Variants in NCALD observed in about 807,000 individuals in gnomAD.
NCALD encodes the protein neurocalcin-delta.
Under a neutral mutation model 18.6 loss-of-function variants are expected in NCALD, and 10 were observed. That is an observed-to-expected ratio of 0.54 (90% CI 0.33 to 0.91). The LOEUF (loss-of-function observed/expected upper bound fraction) is 0.91. NCALD is among the 40% of genes least tolerant of loss of function. The probability of loss-of-function intolerance (pLI) is 0.03; values close to 1 mark genes in which losing one functional copy is unlikely to be tolerated. For synonymous variants in NCALD, 88 were observed against 87.4 expected, an observed-to-expected ratio of 1.01 and a Z score of -0.04; for missense variants, 184 against 247.6, an observed-to-expected ratio of 0.74 and a Z score of 1.72.
intron 1 of NCALD, among the ~76,000 whole-genome samples, chr8:102,100,700 CAGTGAGACATTATTCAA>C: frequency 6.6e-6 from 1 of 152,206 alleles, no homozygotes; most frequent in Non-Finnish European, 1.5e-5. Context: ...TATATACATA[CAGTGAGACATTATTCAA>C]CCTTAAAGAG....
At chr8:101,797,683 GCCTGCACCTGTAGT>G (rs1563779351) in intron 4 of NCALD, among the ~76,000 whole-genome samples, 1 of 151,964 alleles carries the variant, frequency 6.6e-6, no homozygotes, top group Non-Finnish European at 1.5e-5. Context: ...GGGTGTGGTG[GCCTGCACCTGTAGT>G]CCCAGCTAAT....
chr8:101,965,697 GGCAT>G (rs1329519721), intron 2 of NCALD, among the ~76,000 whole-genome samples: 1 of 152,002 alleles, frequency 6.6e-6, no homozygotes, highest in Non-Finnish European at 1.5e-5. Context: ...AAACCACCAT[GGCAT>G]GCGTATACCT....
chr8:102,092,592 T>C (rs1266536241), intron 1 of NCALD, among the ~76,000 whole-genome samples: 1 of 152,192 alleles, frequency 6.6e-6, no homozygotes, highest in Non-Finnish European at 1.5e-5. Flanking sequence ...CCTCATTTCA[T>C]AATATGCTTC....
intron 3 of NCALD, among the ~76,000 whole-genome samples, chr8:101,900,190 C>T (rs1817367989): frequency 6.6e-6 from 1 of 151,870 alleles, no homozygotes; most frequent in African/African-American, 2.4e-5. Flanking sequence ...TTGATGTCTG[C>T]AGGTCTGTAG....
intron 2 of NCALD, among the ~76,000 whole-genome samples, chr8:101,963,330 T>TAA (rs1819904121): frequency 1.3e-5 from 2 of 152,162 alleles, no homozygotes; most frequent in Non-Finnish European, 2.9e-5. Context: ...AATCTCCTTT[T>TAA]CCTGGTTTTT....
At chr8:102,097,109 T>C (rs1277543984) in intron 1 of NCALD, among the ~76,000 whole-genome samples, 2 of 152,162 alleles carry the variant, frequency 1.3e-5, no homozygotes, top group African/African-American at 4.8e-5. Context: ...AAGTCATGTA[T>C]GTTAGAGGTT....
At chr8:101,910,755 G>T (rs1817767446) in intron 3 of NCALD, among the ~76,000 whole-genome samples, 1 of 152,048 alleles carries the variant, frequency 6.6e-6, no homozygotes, top group African/African-American at 2.4e-5. Context: ...CTATATTAAG[G>T]TACATGGCAA....
At chr8:101,996,863 A>T (rs552994959) in intron 2 of NCALD, among the ~76,000 whole-genome samples, 1 of 152,384 alleles carries the variant, frequency 6.6e-6, no homozygotes, top group South Asian at 2.1e-4. Flanking sequence ...TTATCTTTAC[A>T]TCAGTGCTAA....
chr8:101,758,401 C>T (rs972408148), intron 1 of NCALD, among the ~76,000 whole-genome samples: 1 of 152,224 alleles, frequency 6.6e-6, no homozygotes, highest in Admixed American at 6.5e-5. Flanking sequence ...GAAACAAGTG[C>T]TTACTTTCCA....
chr8:102,106,445 G>GTATATATATATATATATATATA (rs369201039), intron 1 of NCALD, among the ~76,000 whole-genome samples: 35 of 132,648 alleles, frequency 2.6e-4, no homozygotes, highest in Non-Finnish European at 4.4e-4. Flanking sequence ...TTAGCATATA[G>GTATATATATATATATATATATA]TATATATATA....
intron 1 of NCALD, among the ~76,000 whole-genome samples, chr8:101,754,383 A>T (rs1810787269): frequency 6.6e-6 from 1 of 152,068 alleles, no homozygotes; most frequent in Admixed American, 6.6e-5. Context: ...TAAACTGGGG[A>T]ACTTACAAAC....
At chr8:101,934,905 CAG>C (rs1304069267) in intron 2 of NCALD, among the ~76,000 whole-genome samples, 1 of 152,118 alleles carries the variant, frequency 6.6e-6, no homozygotes, top group Non-Finnish European at 1.5e-5. Context: ...CCATCCTCCT[CAG>C]ACTTAGGCAA....
intron 1 of NCALD, among the ~76,000 whole-genome samples, chr8:101,736,769 G>C (rs1192700305): frequency 1.3e-5 from 2 of 152,210 alleles, no homozygotes; most frequent in Non-Finnish European, 2.9e-5. Context: ...AACAGACTCA[G>C]AGAAGCCCCA....
intron 3 of NCALD, among the ~76,000 whole-genome samples, chr8:101,912,195 A>C (rs1263903723): frequency 1.3e-5 from 2 of 152,198 alleles, no homozygotes; most frequent in Admixed American, 6.5e-5. Context: ...ATATAAAAAA[A>C]CTAAACAGTA....
intron 4 of NCALD, among the ~76,000 whole-genome samples, chr8:101,870,182 A>G (rs754023086): frequency 2.6e-5 from 4 of 152,224 alleles, no homozygotes; most frequent in Non-Finnish European, 4.4e-5. Flanking sequence ...TTTACTTCAC[A>G]TACTTAAAAA....
At chr8:101,735,426 G>T (rs779296046) in intron 1 of NCALD, among the ~76,000 whole-genome samples, 18 of 152,166 alleles carry the variant, frequency 1.2e-4, no homozygotes, top group Non-Finnish European at 2.6e-4. Flanking sequence ...GCAGGAAGGT[G>T]CTACCAAAAG....
intron 1 of NCALD, among the ~76,000 whole-genome samples, chr8:102,119,997 G>A (rs1664957152): frequency 6.6e-6 from 1 of 152,210 alleles, no homozygotes; most frequent in Admixed American, 6.5e-5. Flanking sequence ...TGCAGGAATA[G>A]AGAGGCTAGA....
chr8:102,084,542 C>T (rs192705623), intron 1 of NCALD, among the ~76,000 whole-genome samples: 1 of 152,244 alleles, frequency 6.6e-6, no homozygotes, highest in African/African-American at 2.4e-5. Context: ...TGCCCCTTCT[C>T]CCCTGATTCT....
rs559986542 is a variant in NCALD at position 102,098,612 on chromosome 8, T to C, written c.-210+25625A>G. ...ATCAGCAACCATAATTGAGCAACTT[T>C]GGTAGGCCTCGTGTCATTCACCCTA... On this transcript the variant is annotated intron_variant, in intron 1 of 6. Transcript: ENST00000311028. Among the ~76,000 whole-genome samples the C allele has an allele frequency of 2.6e-5, 4 of 152,382 alleles. No individual in the cohort carries two copies. The East Asian group carries it at 7.7e-4, about 29-fold the overall frequency.
Sources: gnomAD v4.1 joint callset for allele counts (sites outside exome capture counted in the v4.1 genomes callset) on GRCh38, gnomAD v4.1.1 for gene constraint, MANE v1.5 for transcripts, NCBI Gene and HGNC (gene_info 2026-07-23, HGNC 2026-07-21) for gene names.